DLGAP1: variants seen among roughly 807,000 people sequenced by gnomAD.
DLGAP1 encodes the protein DLG associated protein 1.
In DLGAP1, 11 loss-of-function variants were observed where a neutral mutation model predicts 90.8. The observed-to-expected ratio is 0.12, with a 90% CI of 0.08 to 0.20. The LOEUF (loss-of-function observed/expected upper bound fraction) is 0.20. DLGAP1 is among the 10% of genes least tolerant of loss of function. DLGAP1 has a pLI of 1.00. For synonymous variants in DLGAP1, 558 were observed against 540.7 expected (o/e 1.03, Z -0.44); for missense variants, 1,050 against 1,333.8 (o/e 0.79, Z 3.31).
intron 2 of DLGAP1, among the ~76,000 whole-genome samples, chr18:4,063,685 A>C (rs757734119): frequency 6.6e-6 from 1 of 152,046 alleles, no homozygotes; most frequent in Non-Finnish European, 1.5e-5. Context: ...TCACTAAGGG[A>C]GCCTTCATCT....
chr18:3,593,267 A>G (rs1315806458), intron 7 of DLGAP1, among the ~76,000 whole-genome samples: 2 of 152,282 alleles, frequency 1.3e-5, no homozygotes, highest in African/African-American at 4.8e-5. Flanking sequence ...GGAGTGGTCA[A>G]CAAGGGGTGC....
At chr18:3,888,042 A>G (rs189506417) in intron 3 of DLGAP1, among the ~76,000 whole-genome samples, 1,987 of 137,286 alleles carry the variant, frequency 0.014, 44 homozygotes, top group African/African-American at 0.05. Flanking sequence ...CGGGAGGCGG[A>G]GCTTGCAGTG....
intron 7 of DLGAP1, among the ~76,000 whole-genome samples, chr18:3,642,012 T>C (rs1201575585): frequency 6.6e-6 from 1 of 152,230 alleles, no homozygotes; most frequent in Non-Finnish European, 1.5e-5. Flanking sequence ...CACTAACACC[T>C]GGGTCCCCTT....
chr18:3,780,598 T>G (rs7232780), intron 5 of DLGAP1, among the ~76,000 whole-genome samples: 31,752 of 152,100 alleles, frequency 0.21, 3,536 homozygotes, highest in Admixed American at 0.27. Context: ...ACTGGATCAT[T>G]CCAGATAATC....
chr18:4,121,526 C>T (rs2076153207), intron 2 of DLGAP1, among the ~76,000 whole-genome samples: 1 of 152,146 alleles, frequency 6.6e-6, no homozygotes, highest in Non-Finnish European at 1.5e-5. Context: ...TCCACCATCC[C>T]CCAGGTGATG....
chr18:3,628,690 T>C (rs1160207966), intron 7 of DLGAP1, among the ~76,000 whole-genome samples: 1 of 152,188 alleles, frequency 6.6e-6, no homozygotes, highest in African/African-American at 2.4e-5. Flanking sequence ...CTAAACAATA[T>C]AGCTTGATTA....
chr18:3,530,749 G>A lies in DLGAP1; in HGVS notation c.2479+3445C>T, dbSNP rs560424597. Among the ~76,000 whole-genome samples, 3 of 152,318 alleles carry A rather than the reference G, an allele frequency of 2.0e-5. No individual in the cohort carries two copies. The South Asian group carries it at 6.2e-4, about 32-fold the overall frequency. On this transcript the variant is annotated intron_variant, in intron 10 of 12. Transcript: ENST00000315677. ...ATTGTGCTTGGGGGTCAACACTCAG[G>A]TGAGTCTGCAGTGGCACTAACAGGG...
At chr18:3,746,900 A>G (rs1299795488) in intron 5 of DLGAP1, among the ~76,000 whole-genome samples, 1 of 152,214 alleles carries the variant, frequency 6.6e-6, no homozygotes, top group Non-Finnish European at 1.5e-5. Context: ...CTTGTATGGA[A>G]TTACTTAATA....
At position 4,089,843 on chromosome 18, in the gene DLGAP1, A is replaced by T. The variant is rs1598383630; in HGVS notation, c.-159+61337T>A. 2.0e-5 allele frequency among the ~76,000 whole-genome samples: 3 copies of T among 152,172 alleles called. 1 individual carries two copies. In the South Asian group the frequency reaches 6.2e-4, roughly 32 times the overall value. ...GGCGGATCACGAGGTCAGGAGATCG[A>T]GACCATCCTGGCTAACACGGTGAAA... On this transcript the variant is annotated intron_variant, in intron 2 of 12. Transcript: ENST00000315677.
chr18:4,448,977 T>G (rs1399857665), intron 1 of DLGAP1, among the ~76,000 whole-genome samples: 4 of 152,190 alleles, frequency 2.6e-5, no homozygotes, highest in Non-Finnish European at 5.9e-5. Context: ...AACTTTTGCT[T>G]TCTTCCACTT....
rs1273673551 is a variant in DLGAP1, at chr18:4,080,096, T to C, written c.-159+71084A>G. Among the ~76,000 whole-genome samples the C allele has an allele frequency of 2.0e-5, 3 of 152,166 alleles. No individual in the cohort carries two copies. In the East Asian group the frequency reaches 5.8e-4, roughly 29 times the overall value. On this transcript the variant is annotated intron_variant, in intron 2 of 12. Transcript: ENST00000315677. ...GCTTGATGACGTCTAGTGAAAGAGC[T>C]ATGTTCCTATTTACCAAGAATATGA...
intron 2 of DLGAP1, among the ~76,000 whole-genome samples, chr18:4,120,050 A>G (rs949449934): frequency 6.6e-6 from 1 of 152,250 alleles, no homozygotes; most frequent in Non-Finnish European, 1.5e-5. Context: ...ATTACAATTT[A>G]TCATTTAACT....
chr18:3,960,208 G>A (rs16945708), intron 3 of DLGAP1, among the ~76,000 whole-genome samples: 2,059 of 152,246 alleles, frequency 0.014, 41 homozygotes, highest in African/African-American at 0.042. Context: ...TAAAACACAA[G>A]GCTTTTTCAT....
intron 1 of DLGAP1, among the ~76,000 whole-genome samples, chr18:4,432,128 A>G (rs1406641508): frequency 6.6e-6 from 1 of 152,232 alleles, no homozygotes; most frequent in Non-Finnish European, 1.5e-5. Flanking sequence ...TTCTTTTAGA[A>G]AACACTTAAA....
intron 1 of DLGAP1, among the ~76,000 whole-genome samples, chr18:4,202,549 A>G (rs543449854): frequency 6.3e-4 from 96 of 152,370 alleles, no homozygotes; most frequent in African/African-American, 2.2e-3. Flanking sequence ...GCTAGTTGAA[A>G]TCAACAGTGA....
chr18:4,016,340 G>A (rs1427580333), intron 2 of DLGAP1, among the ~76,000 whole-genome samples: 1 of 152,242 alleles, frequency 6.6e-6, no homozygotes, highest in Non-Finnish European at 1.5e-5. Context: ...GGCCTCACCT[G>A]TTATCATCAG....
intron 3 of DLGAP1, among the ~76,000 whole-genome samples, chr18:3,905,832 C>T (rs2071894328): frequency 6.6e-6 from 1 of 152,174 alleles, no homozygotes; most frequent in Admixed American, 6.5e-5. Context: ...TATCATAATC[C>T]TCACTTAGAG....
intron 9 of DLGAP1, among the ~76,000 whole-genome samples, chr18:3,545,467 G>C (rs938336616): frequency 6.6e-6 from 1 of 151,970 alleles, no homozygotes; most frequent in Admixed American, 6.6e-5. Flanking sequence ...AAATGTAAAT[G>C]GTCTAATCAC....
intron 7 of DLGAP1, among the ~76,000 whole-genome samples, chr18:3,686,681 C>T (rs1300703393): frequency 6.6e-6 from 1 of 152,112 alleles, no homozygotes; most frequent in Non-Finnish European, 1.5e-5. Context: ...TCTCAGTTGA[C>T]TTTTAAAATC....
Sources: gnomAD v4.1 joint callset for allele counts (sites outside exome capture counted in the v4.1 genomes callset) on GRCh38, gnomAD v4.1.1 for gene constraint, MANE v1.5 for transcripts, NCBI Gene and HGNC (gene_info 2026-07-23, HGNC 2026-07-21) for gene names.